Variants in KCNQ5 observed in about 807,000 individuals in gnomAD.
KCNQ5 encodes potassium voltage-gated channel subfamily Q member 5.
A neutral mutation model predicts 98.2 loss-of-function variants in KCNQ5; 30 were observed. The ratio of observed to expected loss-of-function variants is 0.31; its 90% CI spans 0.23 to 0.41. The LOEUF is 0.41. KCNQ5 is among the 10% of genes least tolerant of loss of function. KCNQ5 has a pLI of 1.00. For missense variants in KCNQ5, 835 were observed against 1,182.5 expected (o/e 0.71, Z 4.31); for synonymous variants, 458 against 449.4 (o/e 1.02, Z -0.24).
intron 1 of KCNQ5, among the ~76,000 whole-genome samples, chr6:72,726,208 A>T (rs1012985461): frequency 2.1e-5 from 3 of 141,992 alleles, no homozygotes; most frequent in Non-Finnish European, 4.6e-5. Flanking sequence ...TTAAATTTAA[A>T]TTTTTTTTTT....
intron 5 of KCNQ5, among the ~76,000 whole-genome samples, chr6:73,089,161 G>A (rs1048843567): frequency 1.3e-5 from 2 of 152,106 alleles, no homozygotes; most frequent in Non-Finnish European, 2.9e-5. Flanking sequence ...CAAGGTGCTT[G>A]GATTCAGCAG....
intron 9 of KCNQ5, among the ~76,000 whole-genome samples, chr6:73,124,969 A>T (rs1430875796): frequency 1.1e-4 from 1 of 9,014 alleles, no homozygotes; most frequent in Non-Finnish European, 1.8e-4. Context: ...ATATATATAT[A>T]TATATATATA....
At chr6:72,755,678 A>G (rs1771926698) in intron 1 of KCNQ5, among the ~76,000 whole-genome samples, 1 of 152,214 alleles carries the variant, frequency 6.6e-6, no homozygotes, top group South Asian at 2.1e-4. Context: ...ACTTCTACTT[A>G]TAAGCCTCAC....
intron 1 of KCNQ5, among the ~76,000 whole-genome samples, chr6:72,858,445 C>A (rs1448025957): frequency 6.6e-6 from 1 of 151,452 alleles, no homozygotes; most frequent in Admixed American, 6.6e-5. Flanking sequence ...AGGATTAGAC[C>A]ATTTTCCTAT....
chr6:72,635,505 T>C (rs2098923518), intron 1 of KCNQ5, among the ~76,000 whole-genome samples: 1 of 152,100 alleles, frequency 6.6e-6, no homozygotes, highest in Non-Finnish European at 1.5e-5. Context: ...TTTTCTTCTC[T>C]TTAAAATAAT....
chr6:72,760,370 A>C (rs1187507414), intron 1 of KCNQ5, among the ~76,000 whole-genome samples: 1 of 152,100 alleles, frequency 6.6e-6, no homozygotes, highest in Non-Finnish European at 1.5e-5. Flanking sequence ...AATGTGGAAA[A>C]GGAGAGCCAG....
chr6:72,729,548 C>T (rs1439127644), intron 1 of KCNQ5, among the ~76,000 whole-genome samples: 1 of 152,122 alleles, frequency 6.6e-6, no homozygotes, highest in Non-Finnish European at 1.5e-5. Flanking sequence ...GGATTACAGG[C>T]GTGAGCCACC....
intron 1 of KCNQ5, among the ~76,000 whole-genome samples, chr6:72,721,311 A>C (rs556602082): frequency 4.6e-5 from 7 of 152,222 alleles, no homozygotes; most frequent in African/African-American, 1.7e-4. Flanking sequence ...TGCTTAAAAG[A>C]GTGAATTTTG....
chr6:72,905,431 C>T (rs897091224), intron 1 of KCNQ5, among the ~76,000 whole-genome samples: 3 of 152,062 alleles, frequency 2.0e-5, no homozygotes, highest in South Asian at 2.1e-4. Flanking sequence ...TGTGATTTTG[C>T]GGGGGCATGT....
chr6:72,868,657 C>A (rs914907697), intron 1 of KCNQ5, among the ~76,000 whole-genome samples: 3 of 152,150 alleles, frequency 2.0e-5, no homozygotes, highest in Non-Finnish European at 2.9e-5. Flanking sequence ...AGGTGACAGT[C>A]AGGTAGAGCA....
intron 1 of KCNQ5, among the ~76,000 whole-genome samples, chr6:72,841,930 C>G (rs983327741): frequency 1.3e-5 from 2 of 152,166 alleles, no homozygotes; most frequent in Non-Finnish European, 2.9e-5. Context: ...TTTTAGAAGA[C>G]TATGAATCTT....
intron 1 of KCNQ5, among the ~76,000 whole-genome samples, chr6:72,865,554 A>G (rs9446773): frequency 0.041 from 6,272 of 152,150 alleles, 331 homozygotes; most frequent in East Asian, 0.15. Context: ...AGCTCTTTTG[A>G]TCATAAGGGA....
intron 1 of KCNQ5, among the ~76,000 whole-genome samples, chr6:72,929,274 A>G (rs2150227030): frequency 6.6e-6 from 1 of 152,238 alleles, no homozygotes; most frequent in South Asian, 2.1e-4. Context: ...GTGGATGAAG[A>G]GAGGAGTTGA....
chr6:72,994,187 C>G (rs1296508045), intron 1 of KCNQ5, among the ~76,000 whole-genome samples: 1 of 85,024 alleles, frequency 1.2e-5, no homozygotes, highest in Non-Finnish European at 2.2e-5. Flanking sequence ...GTGGGCTCCA[C>G]CCAGTTCGAG....
At chr6:73,161,525 AG>A (rs1562213749) in intron 10 of KCNQ5, among the ~76,000 whole-genome samples, 1 of 152,244 alleles carries the variant, frequency 6.6e-6, no homozygotes, top group Non-Finnish European at 1.5e-5. Flanking sequence ...GGATAGCCCA[AG>A]TACACTGACT....
At chr6:72,936,414 G>A (rs111570762) in intron 1 of KCNQ5, among the ~76,000 whole-genome samples, 2,094 of 152,166 alleles carry the variant, frequency 0.014, 51 homozygotes, top group South Asian at 0.068. Flanking sequence ...AGCACAATAC[G>A]ATGCCTGATT....
intron 2 of KCNQ5, among the ~76,000 whole-genome samples, chr6:73,036,385 C>CAAAAAAAA (rs70994156): frequency 2.5e-5 from 2 of 78,534 alleles, no homozygotes; most frequent in African/African-American, 6.1e-5. Context: ...GACTCTGTCT[C>CAAAAAAAA]AAAAAAAAAA....
At chr6:73,073,727 T>A (rs187223253) in intron 3 of KCNQ5, among the ~76,000 whole-genome samples, 5 of 152,332 alleles carry the variant, frequency 3.3e-5, no homozygotes, top group Non-Finnish European at 7.4e-5. Context: ...CAAATGAACC[T>A]GAAGCCAGTG....
intron 11 of KCNQ5, among the ~76,000 whole-genome samples, chr6:73,170,566 CAAA>C (rs11390332): frequency 6.6e-5 from 9 of 136,712 alleles, no homozygotes; most frequent in Admixed American, 7.4e-5. Flanking sequence ...AACTATATTG[CAAA>C]AAAAAAAAAA....
Sources: allele counts gnomAD v4.1 joint callset (sites outside exome capture counted in the v4.1 genomes callset), GRCh38; gene constraint gnomAD v4.1.1; transcripts MANE v1.5; gene names NCBI Gene and HGNC (gene_info 2026-07-23, HGNC 2026-07-21).